Variants in MACROD2 observed in about 807,000 individuals in gnomAD.
The protein encoded by MACROD2 is mono-ADP ribosylhydrolase 2, also known as ADP-ribose glycohydrolase MACROD2.
Under a neutral mutation model 70.4 loss-of-function variants are expected in MACROD2, and 36 were observed. That is an observed-to-expected ratio of 0.51 (90% CI 0.39 to 0.68). The LOEUF (loss-of-function observed/expected upper bound fraction) is 0.68. Ranked by LOEUF, MACROD2 falls within the 30% of genes least tolerant of loss-of-function variation. The pLI is 0.00. For missense variants in MACROD2, 496 were observed against 538.4 expected (o/e 0.92, Z 0.78); for synonymous variants, 172 against 178.8 (o/e 0.96, Z 0.30).
At chr20:14,836,524 T>C (rs1199371185) in intron 5 of MACROD2, among the ~76,000 whole-genome samples, 1 of 152,030 alleles carries the variant, frequency 6.6e-6, no homozygotes, top group Non-Finnish European at 1.5e-5. Flanking sequence ...CTGCATATGA[T>C]GACTGTCTTT....
rs1015851673 is a variant in MACROD2, at chr20:15,756,652, C to T, written c.646-106093C>T. ...GGTAACATGCTCTGAATTTGAATAACCAACAACACCTGCTCCTTTTTGCAC... is the reference window on the plus strand; with the variant it reads ...GGTAACATGCTCTGAATTTGAATAATCAACAACACCTGCTCCTTTTTGCAC... On this transcript the variant is annotated intron_variant, in intron 8 of 17. Transcript: ENST00000684519. 2.6e-5 allele frequency among the ~76,000 whole-genome samples: 4 copies of T among 152,054 alleles called. No homozygotes were observed. In the East Asian group the frequency reaches 7.7e-4, roughly 29 times the overall value.
At chr20:15,531,312 C>G (rs2047797688) in intron 8 of MACROD2, among the ~76,000 whole-genome samples, 1 of 146,978 alleles carries the variant, frequency 6.8e-6, no homozygotes, top group African/African-American at 2.5e-5. Context: ...GATTTAATAA[C>G]ATAAACAAAA....
At chr20:15,273,195 C>G (rs2077360704) in intron 6 of MACROD2, among the ~76,000 whole-genome samples, 1 of 152,092 alleles carries the variant, frequency 6.6e-6, no homozygotes, top group African/African-American at 2.4e-5. Flanking sequence ...ACAATCTAAT[C>G]AGCTGCCAAC....
chr20:15,978,430 G>A (rs549252593), intron 13 of MACROD2, among the ~76,000 whole-genome samples: 1 of 152,230 alleles, frequency 6.6e-6, no homozygotes, highest in South Asian at 2.1e-4. Context: ...TTGTAAGCTG[G>A]TCACGAGATG....
intron 6 of MACROD2, among the ~76,000 whole-genome samples, chr20:15,301,438 G>T (rs1295323780): frequency 6.6e-6 from 1 of 152,082 alleles, no homozygotes; most frequent in Non-Finnish European, 1.5e-5. Flanking sequence ...AACTTGCCTT[G>T]TTCCCAAATG....
chr20:16,002,906 A>G lies in MACROD2; in HGVS notation c.1153+15748A>G, dbSNP rs76353692. Among the ~76,000 whole-genome samples the G allele has an allele frequency of 8.3e-3, 1,260 of 152,258 alleles. 18 individuals are homozygous for G. The highest frequency in any genetic ancestry group is 0.029 in the African/African-American group (1,204 of 41,540). On this transcript the variant is annotated intron_variant, in intron 15 of 17. Coordinates refer to ENST00000684519, the MANE Select transcript of MACROD2 (RefSeq NM_001351661.2). The stretch of plus-strand genomic sequence containing the variant: ...CACTGTCTTCTTTTGGGTGGTGATG[A>G]GGCAAAGATGATTGACAGATGGGTA...
chr20:16,024,481 A>G (rs190107496), intron 15 of MACROD2, among the ~76,000 whole-genome samples: 2 of 151,434 alleles, frequency 1.3e-5, no homozygotes, highest in South Asian at 2.1e-4. Flanking sequence ...TTTTCACCCA[A>G]CCCATGCAGC....
intron 5 of MACROD2, among the ~76,000 whole-genome samples, chr20:14,740,484 A>G (rs2071719706): frequency 2.0e-5 from 3 of 152,198 alleles, no homozygotes; most frequent in Admixed American, 2.0e-4. Flanking sequence ...ATTTTTGTGA[A>G]GTGTGCTAAA....
intron 3 of MACROD2, chr20:14,325,944 A>T (rs566492728): frequency 6.2e-7 from 1 of 1,613,894 alleles, no homozygotes; most frequent in Admixed American, 1.7e-5. Context: ...GGTTTTTGTA[A>T]GGTTCTTTCT....
At chr20:15,250,937 T>G (rs1347262790) in intron 6 of MACROD2, among the ~76,000 whole-genome samples, 1 of 152,180 alleles carries the variant, frequency 6.6e-6, no homozygotes, top group Non-Finnish European at 1.5e-5. Context: ...GTAGAATGAA[T>G]AAATGAATGT....
chr20:14,002,480 G>A lies in MACROD2; in HGVS notation c.163+76G>A, dbSNP rs1429686943. 4.8e-6 allele frequency: 4 copies of A among 833,724 alleles called. No individual in the cohort carries two copies. The African/African-American group carries it at 5.2e-5, about 11-fold the overall frequency. The allele number at this position is 833,724 out of a possible 1,614,324, so 51.6% of individuals were successfully genotyped here. A position where few individuals can be genotyped will look rare whatever the true frequency, so the allele number is the denominator to read the frequency against. On this transcript the variant is annotated intron_variant, in intron 2 of 17. Coordinates refer to ENST00000684519, the MANE Select transcript of MACROD2 (RefSeq NM_001351661.2). ...AATTGTTGACAGAAATGAATAACTGGCGTTCAATAAAGAGATTACTATTTT... is the reference window on the plus strand; with the variant it reads ...AATTGTTGACAGAAATGAATAACTGACGTTCAATAAAGAGATTACTATTTT...
intron 8 of MACROD2, among the ~76,000 whole-genome samples, chr20:15,658,780 G>T (rs971092409): frequency 6.6e-6 from 1 of 152,104 alleles, no homozygotes; most frequent in South Asian, 2.1e-4. Context: ...CTCTAATATA[G>T]TCTACATGCT....
intron 5 of MACROD2, among the ~76,000 whole-genome samples, chr20:14,953,963 C>T (rs542071196): frequency 2.3e-4 from 35 of 152,212 alleles, no homozygotes; most frequent in African/African-American, 8.2e-4. Flanking sequence ...ATTTAGAATG[C>T]ATTTCACCAG....
In MACROD2 at chr20:15,857,469, A is replaced by T. The variant is rs188788868; in HGVS notation, c.646-5276A>T. On this transcript the variant is annotated intron_variant, in intron 8 of 17. Coordinates refer to ENST00000684519, the MANE Select transcript of MACROD2 (RefSeq NM_001351661.2). ...TCCAGTGCTCTTGCTGCAGAACTTC[A>T]TGTGGGCCCAGCCCAGCTCCAAGAA... Among the ~76,000 whole-genome samples the T allele has an allele frequency of 7.4e-4, 112 of 152,308 alleles. 2 individuals are homozygous for T. The highest frequency in any genetic ancestry group is 1.3e-3 in the Non-Finnish European group (89 of 68,016).
intron 13 of MACROD2, among the ~76,000 whole-genome samples, chr20:15,980,277 G>C (rs1281655315): frequency 6.6e-6 from 1 of 152,126 alleles, no homozygotes; most frequent in East Asian, 1.9e-4. Flanking sequence ...TTACTTCCTT[G>C]TTTTTTTCTT....
At chr20:14,093,803 T>A (rs978686439) in intron 3 of MACROD2, among the ~76,000 whole-genome samples, 5 of 151,786 alleles carry the variant, frequency 3.3e-5, no homozygotes, top group Non-Finnish European at 5.9e-5. Flanking sequence ...CAGGATGAAG[T>A]GTTTATTAGA....
At chr20:14,957,700 C>G (rs2074549274) in intron 5 of MACROD2, among the ~76,000 whole-genome samples, 1 of 152,146 alleles carries the variant, frequency 6.6e-6, no homozygotes, top group Admixed American at 6.5e-5. Flanking sequence ...TGCCATGTCT[C>G]TACTGTGGGA....
At chr20:15,242,995 C>G (rs1288377159) in intron 6 of MACROD2, among the ~76,000 whole-genome samples, 1 of 152,134 alleles carries the variant, frequency 6.6e-6, no homozygotes, top group Non-Finnish European at 1.5e-5. Flanking sequence ...ACTGGGAGCT[C>G]TAAAGCTGAG....
chr20:15,572,851 A>G (rs930687781), intron 8 of MACROD2, among the ~76,000 whole-genome samples: 1 of 152,078 alleles, frequency 6.6e-6, no homozygotes, highest in Non-Finnish European at 1.5e-5. Flanking sequence ...CCCCAGGAGG[A>G]AACTTCATCT....
Sources: gnomAD v4.1 joint callset for allele counts (sites outside exome capture counted in the v4.1 genomes callset) on GRCh38, gnomAD v4.1.1 for gene constraint, MANE v1.5 for transcripts, NCBI Gene and HGNC (gene_info 2026-07-23, HGNC 2026-07-21) for gene names.